Variants in FAM13C observed in about 807,000 individuals in gnomAD.
The protein encoded by FAM13C is family with sequence similarity 13 member C, also known as protein FAM13C.
In FAM13C, 37 loss-of-function variants were observed where a neutral mutation model predicts 73.2. The observed-to-expected ratio is 0.51, with a 90% confidence interval of 0.39 to 0.67. The LOEUF (loss-of-function observed/expected upper bound fraction) is 0.67, where lower values mean the gene tolerates loss of function less well. FAM13C is among the 30% of genes least tolerant of loss of function. The pLI is 0.00. For missense variants in FAM13C, 589 were observed against 715.6 expected (o/e 0.82, Z 2.02); for synonymous variants, 246 against 260.9 (o/e 0.94, Z 0.55).
rs918934161 is a variant in FAM13C at position 59,352,067 on chromosome 10, G to A, written c.324+203C>T. ...CAATATTTAAGAACACGTTTTAAGG[G>A]GCACCAAATTATTAGCCGGCTCAGA... On this transcript the variant is annotated intron_variant, in intron 3 of 13. Transcript: ENST00000618804. Among the ~76,000 whole-genome samples the A allele has an allele frequency of 4.6e-5, 7 of 151,976 alleles. 1 individual carries two copies. The highest frequency in any genetic ancestry group is 6.8e-3 in the Middle Eastern group (2 of 294).
At chr10:59,275,822 T>C (rs1275028515) in intron 6 of FAM13C, among the ~76,000 whole-genome samples, 1 of 152,178 alleles carries the variant, frequency 6.6e-6, no homozygotes, top group African/African-American at 2.4e-5. Context: ...ACACAGTACT[T>C]GGTCTAATGT....
rs530281732 is a variant in FAM13C, at chr10:59,354,119, A to G, written c.120-1645T>C. ...CGAGTAGGATTATAGAACACTCAAG[A>G]ATTTTAAAAAATAGCTTTTCAAATC... On this transcript the variant is annotated intron_variant, in intron 2 of 13. Coordinates refer to ENST00000618804, the MANE Select transcript of FAM13C (RefSeq NM_198215.4). 9.2e-5 allele frequency among the ~76,000 whole-genome samples: 14 copies of G among 152,310 alleles called. 1 individual carries two copies. In the East Asian group the frequency reaches 2.7e-3, roughly 29 times the overall value.
chr10:59,324,189 G>C (rs1850764055), intron 3 of FAM13C, 83 bp from the exon 4 acceptor site: 3 of 1,117,812 alleles, frequency 2.7e-6, no homozygotes, highest in Non-Finnish European at 3.9e-6. Flanking sequence ...TGGGTCTCGG[G>C]GCAGGGAAGC....
chr10:59,278,767 G>A (rs1484799818), intron 6 of FAM13C, among the ~76,000 whole-genome samples: 1 of 152,084 alleles, frequency 6.6e-6, no homozygotes, highest in Admixed American at 6.6e-5. Context: ...TAAAGCATTA[G>A]ATGGTACATC....
At chr10:59,327,152 AC>A (rs1851264076) in intron 3 of FAM13C, among the ~76,000 whole-genome samples, 1 of 151,870 alleles carries the variant, frequency 6.6e-6, no homozygotes, top group East Asian at 1.9e-4. Flanking sequence ...AGACGTCCCG[AC>A]CCAAGTACCT....
At chr10:59,295,218 T>C (rs547489298) in intron 5 of FAM13C, among the ~76,000 whole-genome samples, 1 of 152,356 alleles carries the variant, frequency 6.6e-6, no homozygotes, top group African/African-American at 2.4e-5. Flanking sequence ...ATGAAGAGAT[T>C]TGCAAATGTA....
At chr10:59,346,627 G>A (rs2446715) in intron 3 of FAM13C, among the ~76,000 whole-genome samples, 37,130 of 152,020 alleles carry the variant, frequency 0.24, 4,761 homozygotes, top group African/African-American at 0.29. Flanking sequence ...CAGATGGCAC[G>A]GAGTGGGGAT....
chr10:59,344,362 TC>T (rs1258424680), intron 3 of FAM13C, among the ~76,000 whole-genome samples: 3 of 150,664 alleles, frequency 2.0e-5, no homozygotes, highest in Admixed American at 2.0e-4. Flanking sequence ...CACTGCAAGT[TC>T]CGCCCCCCAG....
chr10:59,293,309 C>T (rs1846505954), intron 5 of FAM13C, among the ~76,000 whole-genome samples: 1 of 152,156 alleles, frequency 6.6e-6, no homozygotes, highest in South Asian at 2.1e-4. Context: ...ATCTCCTGAC[C>T]TCGTGATCCA....
chr10:59,284,722 C>T (rs1845352292), intron 5 of FAM13C, among the ~76,000 whole-genome samples: 1 of 148,928 alleles, frequency 6.7e-6, no homozygotes, highest in East Asian at 2.0e-4. Flanking sequence ...ACTCCCCACA[C>T]CTAAAAACAC....
At chr10:59,274,049 C>T (rs1223852798) in intron 6 of FAM13C, among the ~76,000 whole-genome samples, 1 of 152,104 alleles carries the variant, frequency 6.6e-6, no homozygotes, top group Non-Finnish European at 1.5e-5. Flanking sequence ...AAACTTCAGC[C>T]TTTGTTGGTT....
intron 2 of FAM13C, among the ~76,000 whole-genome samples, chr10:59,353,724 C>A (rs1222135692): frequency 6.6e-6 from 1 of 152,200 alleles, no homozygotes; most frequent in Non-Finnish European, 1.5e-5. Context: ...TGGTCTGGAA[C>A]ATGACCAGGG....
intron 4 of FAM13C, among the ~76,000 whole-genome samples, chr10:59,304,598 G>A (rs1394680243): frequency 6.6e-6 from 1 of 151,944 alleles, no homozygotes; most frequent in Non-Finnish European, 1.5e-5. Flanking sequence ...GGGCCTTTCA[G>A]AGGGTGGCAG....
intron 13 of FAM13C, among the ~76,000 whole-genome samples, chr10:59,248,034 A>G (rs552552530): frequency 2.0e-5 from 3 of 152,296 alleles, no homozygotes; most frequent in African/African-American, 7.2e-5. Context: ...GCAAACAAAC[A>G]AGAAACAGAA....
chr10:59,310,436 C>T (rs373760412), intron 4 of FAM13C, among the ~76,000 whole-genome samples: 5 of 152,036 alleles, frequency 3.3e-5, no homozygotes, highest in Admixed American at 2.0e-4. Flanking sequence ...CAATAACAGC[C>T]CTTAATACCA....
intron 3 of FAM13C, among the ~76,000 whole-genome samples, chr10:59,344,629 C>T (rs1053600292): frequency 6.6e-6 from 1 of 152,138 alleles, no homozygotes; most frequent in South Asian, 2.1e-4. Flanking sequence ...ACGTTTATAT[C>T]ATTAACTTTA....
At chr10:59,295,048 C>T (rs940222212) in intron 5 of FAM13C, among the ~76,000 whole-genome samples, 4 of 152,194 alleles carry the variant, frequency 2.6e-5, no homozygotes, top group African/African-American at 9.7e-5. Context: ...ACCAACATCA[C>T]AGGAACTGGT....
intron 6 of FAM13C, among the ~76,000 whole-genome samples, chr10:59,272,892 T>C (rs977596521): frequency 3.3e-5 from 5 of 152,186 alleles, no homozygotes; most frequent in African/African-American, 9.7e-5. Flanking sequence ...TACTACGTTT[T>C]TTCCTATATA....
chr10:59,314,457 C>A (rs1849290595), intron 4 of FAM13C, among the ~76,000 whole-genome samples: 1 of 152,222 alleles, frequency 6.6e-6, no homozygotes, highest in Admixed American at 6.5e-5. Context: ...AAAGCTGGAA[C>A]TAGCATCCAG....
Sources: gnomAD v4.1 joint callset for allele counts (sites outside exome capture counted in the v4.1 genomes callset) on GRCh38, gnomAD v4.1.1 for gene constraint, MANE v1.5 for transcripts, NCBI Gene and HGNC (gene_info 2026-07-23, HGNC 2026-07-21) for gene names.